Variants in RALGDS observed in about 807,000 individuals in gnomAD.
The protein encoded by RALGDS is ral guanine nucleotide exchange factor.
A neutral mutation model predicts 99.8 loss-of-function variants in RALGDS; 44 were observed. The observed-to-expected ratio is 0.44, with a 90% confidence interval of 0.35 to 0.57. The LOEUF (loss-of-function observed/expected upper bound fraction) is 0.57, where lower values mean the gene tolerates loss of function less well. RALGDS is among the 20% of genes least tolerant of loss of function. The probability of loss-of-function intolerance (pLI) is 0.01; values close to 1 mark genes in which losing one functional copy is unlikely to be tolerated. For synonymous variants in RALGDS, 529 were observed against 505.0 expected, an observed-to-expected ratio of 1.05 and a Z score of -0.64; for missense variants, 1,022 against 1,203.1, an observed-to-expected ratio of 0.85 and a Z score of 2.23.
upstream of RALGDS, among the ~76,000 whole-genome samples, chr9:133,133,648 A>G (rs1045877506): frequency 1.3e-5 from 2 of 152,290 alleles, no homozygotes. Context: ...AGGGCCATAC[A>G]TGGCACAAAC....
At chr9:133,116,610 G>A (rs940055972) in intron 1 of RALGDS, among the ~76,000 whole-genome samples, 6 of 152,280 alleles carry the variant, frequency 3.9e-5, no homozygotes, top group Non-Finnish European at 7.3e-5. Context: ...GGCAGCTGAG[G>A]AGGAAGGTGG....
Position 133,108,402 on chromosome 9 carries a change from C to T in RALGDS, c.783G>A (p.Leu261=). 6.5e-7 allele frequency: 1 copy of T among 1,536,404 alleles called. No homozygotes were observed. Among genetic ancestry groups the T allele is most frequent in the African/African-American group, 1.4e-5 (1 of 73,170 alleles). ...TTGGTTTTAGAGCTGGCACTGGTGA[C>T]AGAGCTGCAAGAGGAGAAAAGTTCA... ...SEPIEAEPEA[L]SPVPALKPTP... Residue 261 remains leucine, a synonymous_variant, in exon 6 of 18, where the codon CTG becomes CTA. Coordinates refer to ENST00000372050, the MANE Select transcript of RALGDS (RefSeq NM_006266.4).
chr9:133,100,506 C>G, intron 16 of RALGDS, 124 bp from the exon 17 acceptor site: 1 of 1,581,052 alleles, frequency 6.3e-7, no homozygotes, highest in East Asian at 2.3e-5. Context: ...AGCCTCTGGC[C>G]AGGTGCTGGG....
upstream of RALGDS, among the ~76,000 whole-genome samples, chr9:133,124,576 T>C (rs1018561453): frequency 2.0e-5 from 3 of 152,062 alleles, no homozygotes; most frequent in African/African-American, 7.2e-5. Flanking sequence ...TATAGAGACA[T>C]AGACACAGAT....
chr9:133,109,745 T>C, intron 3 of RALGDS, 24 bp from the exon 4 acceptor site: 7 of 1,595,856 alleles, frequency 4.4e-6, no homozygotes, highest in Non-Finnish European at 6.0e-6. Context: ...CTAGTGTTAC[T>C]GTCTGACTCT....
chr9:133,120,854 G>T, intron 1 of RALGDS, 118 bp downstream of exon 1: 1 of 1,166,114 alleles, frequency 8.6e-7, no homozygotes, highest in Non-Finnish European at 1.1e-6. Flanking sequence ...GGAGAGAGGA[G>T]GGAGGCGGCC....
chr9:133,112,000 T>G, intron 2 of RALGDS, 42 bp downstream of exon 2: 1 of 1,441,688 alleles, frequency 6.9e-7, no homozygotes, highest in Non-Finnish European at 9.5e-7. Flanking sequence ...CTGGGAGGGA[T>G]CCCCAGCTGC....
chr9:133,120,432 C>CCT (rs1243519414), intron 1 of RALGDS, among the ~76,000 whole-genome samples: 2 of 136,746 alleles, frequency 1.5e-5, no homozygotes, highest in East Asian at 4.8e-4. Context: ...CCCCCGACCC[C>CCT]CCCCCCACCC....
intron 1 of RALGDS, chr9:133,130,909 C>T (rs1315676532): frequency 6.7e-7 from 1 of 1,495,434 alleles, no homozygotes; most frequent in Non-Finnish European, 9.0e-7. Flanking sequence ...CCCAGAGATG[C>T]CAGGGCGAAG....
chr9:133,124,347 T>C (rs76809135), upstream of RALGDS, among the ~76,000 whole-genome samples: 37,317 of 150,796 alleles, frequency 0.25, 5,047 homozygotes, highest in Middle Eastern at 0.42. Context: ...CACGCAGAGA[T>C]AGAGACACAC....
chr9:133,098,310 C>A lies in RALGDS; in HGVS notation c.*277G>T, dbSNP rs1588503036. 5.9e-6 allele frequency: 3 copies of A among 507,502 alleles called. No homozygotes were observed. The highest frequency in any genetic ancestry group is 1.1e-5 in the Non-Finnish European group (3 of 276,446). The allele number at this position is 507,502 out of a possible 1,614,324, so 31.4% of individuals were successfully genotyped here. A position where few individuals can be genotyped will look rare whatever the true frequency, so the allele number is the denominator to read the frequency against. On this transcript the variant is annotated 3_prime_UTR_variant, in exon 18 of 18. Coordinates refer to ENST00000372050, the MANE Select transcript of RALGDS (RefSeq NM_006266.4). ...AGGTGGCGCCCGGGGGCAGGCAGGGCACCATGCCATGCCCGTTGGCACTGC... is the reference window on the plus strand; with the variant it reads ...AGGTGGCGCCCGGGGGCAGGCAGGGAACCATGCCATGCCCGTTGGCACTGC...
At position 133,108,899 on chromosome 9, in the gene RALGDS, G is replaced by A. The variant is rs751312653; in HGVS notation, c.585-33C>T. ...CAGGTGGGTGGCAGCAGAGTCAGAG[G>A]CCTGGGCTCCCCTGAGCCAGGCTGG... On this transcript the variant is annotated intron_variant, in intron 4 of 17. Transcript: ENST00000372050. 6.3e-6 allele frequency: 10 copies of A among 1,581,906 alleles called. No homozygotes were observed. The African/African-American group carries it at 9.4e-5, about 15-fold the overall frequency.
rs200208563 is a variant in RALGDS, at chr9:133,108,204, C to T, written c.981G>A (p.Ser327=). Residue 327 remains serine, a synonymous_variant, in exon 6 of 18, where the codon TCG becomes TCA. Transcript: ENST00000372050. ...CTAGTTCCAGAGCTGGCGCTGGAGC[C>T]GATTCTAGTCCCACAGCTGGCTCTG... ...QAPEPAVGLE[S]APAPALELEP... 54 of 1,613,172 alleles carry T rather than the reference C, an allele frequency of 3.3e-5. No homozygotes were observed. Among genetic ancestry groups the T allele is most frequent in the South Asian group, 1.9e-4 (17 of 91,008 alleles).
At chr9:133,108,958 ACCTGCC>A in intron 4 of RALGDS, 92 bp from the exon 5 acceptor site, 1 of 1,291,230 alleles carries the variant, frequency 7.7e-7, no homozygotes, top group Non-Finnish European at 1.1e-6. Flanking sequence ...TCTGAAGGCC[ACCTGCC>A]CCGGCCCAAG....
rs183988633 is a variant in RALGDS, at chr9:133,109,453, C to T, written c.584+173G>A. 3.4e-3 allele frequency among the ~76,000 whole-genome samples: 514 copies of T among 152,320 alleles called. 1 individual carries two copies. The highest frequency in any genetic ancestry group is 5.9e-3 in the Non-Finnish European group (401 of 68,024). ...CCAGGACCCCTCCACAGCTCTCGGT[C>T]GTCTTTCTTCCTGCAGGCGAAGCCC... is the stretch of plus-strand genomic sequence containing the variant. On this transcript the variant is annotated intron_variant, in intron 4 of 17. Coordinates refer to ENST00000372050, the MANE Select transcript of RALGDS (RefSeq NM_006266.4).
At chr9:133,139,453 C>T (rs1319235320) in intron 1 of RALGDS, among the ~76,000 whole-genome samples, 2 of 152,210 alleles carry the variant, frequency 1.3e-5, no homozygotes, top group Admixed American at 1.3e-4. Context: ...ACACTGGGCA[C>T]TACCCACCTG....
intron 9 of RALGDS, among the ~76,000 whole-genome samples, chr9:133,104,968 C>T (rs1481027299): frequency 6.6e-6 from 1 of 152,156 alleles, no homozygotes; most frequent in Non-Finnish European, 1.5e-5. Context: ...AAACTATGGC[C>T]CTGAGATGGG....
chr9:133,112,748 G>C (rs1831411337), intron 1 of RALGDS, among the ~76,000 whole-genome samples: 1 of 152,196 alleles, frequency 6.6e-6, no homozygotes, highest in Non-Finnish European at 1.5e-5. Context: ...TGCGTTGGCA[G>C]CCCAGGTCTG....
chr9:133,100,140 C>T, intron 17 of RALGDS, 128 bp downstream of exon 17: 1 of 879,510 alleles, frequency 1.1e-6, no homozygotes, highest in East Asian at 2.4e-5. Flanking sequence ...GCAGCCAGGG[C>T]TGCCCTGTCC....
Sources: gnomAD v4.1 joint callset for allele counts (sites outside exome capture counted in the v4.1 genomes callset) on GRCh38, gnomAD v4.1.1 for gene constraint, MANE v1.5 for transcripts, NCBI Gene and HGNC (gene_info 2026-07-23, HGNC 2026-07-21) for gene names.